THSD7B: variants seen among roughly 807,000 people sequenced by gnomAD.
THSD7B encodes the protein thrombospondin type 1 domain containing 7B, also known as thrombospondin type-1 domain-containing protein 7B.
In THSD7B, 138 loss-of-function variants were observed where a neutral mutation model predicts 213.6. The observed-to-expected ratio is 0.65, with a 90% confidence interval of 0.56 to 0.74. The LOEUF (loss-of-function observed/expected upper bound fraction) is 0.74, where lower values mean the gene tolerates loss of function less well. THSD7B is among the 30% of genes least tolerant of loss of function. THSD7B has a pLI of 0.00. For missense variants in THSD7B, 1,931 were observed against 1,991.5 expected (o/e 0.97, Z 0.58); for synonymous variants, 742 against 687.0 (o/e 1.08, Z -1.25).
chr2:137,518,205 G>A (rs540827436), intron 15 of THSD7B, among the ~76,000 whole-genome samples: 9 of 152,248 alleles, frequency 5.9e-5, no homozygotes, highest in African/African-American at 2.2e-4. Flanking sequence ...GGCCTCATGG[G>A]GAGTTCCCTA....
At chr2:136,976,350 C>T (rs948900881) in intron 2 of THSD7B, among the ~76,000 whole-genome samples, 2 of 152,176 alleles carry the variant, frequency 1.3e-5, no homozygotes, top group East Asian at 3.9e-4. Context: ...TTCTTCAATA[C>T]TTCGTTTATT....
chr2:137,461,408 T>C (rs1176470785), intron 15 of THSD7B, among the ~76,000 whole-genome samples: 1 of 151,980 alleles, frequency 6.6e-6, no homozygotes, highest in Admixed American at 6.6e-5. Flanking sequence ...ATGGGTGCAA[T>C]AAACGTTTAT....
intron 2 of THSD7B, among the ~76,000 whole-genome samples, chr2:137,046,552 A>T (rs1457545263): frequency 6.6e-6 from 1 of 152,056 alleles, no homozygotes. Flanking sequence ...CAACATGGCG[A>T]AACACCGTCT....
intron 2 of THSD7B, among the ~76,000 whole-genome samples, chr2:137,034,111 C>T (rs1553465920): frequency 6.6e-6 from 1 of 152,132 alleles, no homozygotes; most frequent in Non-Finnish European, 1.5e-5. Context: ...ATCCATGTCC[C>T]TGCAAAGGAC....
chr2:137,676,467 A>AGAT (rs1450512688), intron 27 of THSD7B, 57 bp from the exon 28 acceptor site: 33 of 1,442,214 alleles, frequency 2.3e-5, no homozygotes, highest in Non-Finnish European at 2.9e-5. Flanking sequence ...TGTCTTTGGC[A>AGAT]GATGAAACAG....
chr2:137,265,772 CT>C (rs1682574513), intron 10 of THSD7B, among the ~76,000 whole-genome samples: 1 of 152,140 alleles, frequency 6.6e-6, no homozygotes, highest in Non-Finnish European at 1.5e-5. Flanking sequence ...GGGTGATAGT[CT>C]TTGAATGATC....
rs72851742 is a variant in THSD7B, at chr2:137,463,717, A to G, written c.3138+12694A>G. 7.5e-3 allele frequency among the ~76,000 whole-genome samples: 1,139 copies of G among 152,204 alleles called. 6 individuals are homozygous for G. Among genetic ancestry groups the G allele is most frequent in the Non-Finnish European group, 0.013 (899 of 67,974 alleles). On this transcript the variant is annotated intron_variant, in intron 15 of 27. Coordinates refer to ENST00000409968, the MANE Select transcript of THSD7B (RefSeq NM_001316349.2). ...TTGCCTCACAGAGCCAGTATCATCC[A>G]TATTTAGCAGGTTTAGGGGAAAAGC...
At chr2:137,318,527 C>T (rs952506973) in intron 12 of THSD7B, among the ~76,000 whole-genome samples, 4 of 152,186 alleles carry the variant, frequency 2.6e-5, no homozygotes, top group East Asian at 1.9e-4. Context: ...CTCACTCCCC[C>T]GCCCCCATCC....
intron 5 of THSD7B, among the ~76,000 whole-genome samples, chr2:137,122,148 T>G (rs1161518095): frequency 6.6e-6 from 1 of 152,194 alleles, no homozygotes; most frequent in Non-Finnish European, 1.5e-5. Flanking sequence ...CTAAATGATT[T>G]CCATAGTTAA....
At chr2:137,594,059 A>C (rs1432065993) in intron 17 of THSD7B, among the ~76,000 whole-genome samples, 1 of 152,034 alleles carries the variant, frequency 6.6e-6, no homozygotes, top group Non-Finnish European at 1.5e-5. Context: ...GAAACCAATA[A>C]GGTATAGAGG....
At chr2:137,628,348 A>G (rs919190982) in intron 20 of THSD7B, among the ~76,000 whole-genome samples, 13 of 152,194 alleles carry the variant, frequency 8.5e-5, no homozygotes, top group Admixed American at 5.2e-4. Context: ...TTATATTGAC[A>G]TATAAGTCAT....
intron 12 of THSD7B, among the ~76,000 whole-genome samples, chr2:137,288,921 T>A (rs1189045161): frequency 6.6e-6 from 1 of 152,058 alleles, no homozygotes; most frequent in Non-Finnish European, 1.5e-5. Context: ...AAAAGGATGC[T>A]CCTTCACTTT....
intron 14 of THSD7B, among the ~76,000 whole-genome samples, chr2:137,427,769 G>A (rs4954511): frequency 0.98 from 149,391 of 152,268 alleles, 73,336 homozygotes; most frequent in Non-Finnish European, 1. Context: ...TTGAATGTAC[G>A]TCATGGCAAT....
At chr2:137,411,920 T>C (rs992111448) in intron 14 of THSD7B, 48 bp downstream of exon 14, 3 of 1,595,200 alleles carry the variant, frequency 1.9e-6, no homozygotes, top group Non-Finnish European at 2.6e-6. Context: ...CACACACAGC[T>C]CGGGAGGTTT....
chr2:137,496,927 G>A (rs1198055296), intron 15 of THSD7B, among the ~76,000 whole-genome samples: 16 of 152,094 alleles, frequency 1.1e-4, no homozygotes, highest in Non-Finnish European at 1.9e-4. Context: ...CATCTAGTTC[G>A]TGTAGTCTGC....
chr2:137,199,261 C>T (rs1276077858), intron 7 of THSD7B, among the ~76,000 whole-genome samples: 3 of 152,006 alleles, frequency 2.0e-5, no homozygotes, highest in African/African-American at 4.8e-5. Flanking sequence ...AAAAATATAT[C>T]GAAAGATAAT....
intron 2 of THSD7B, among the ~76,000 whole-genome samples, chr2:136,904,116 G>A (rs1684112990): frequency 6.6e-6 from 1 of 152,130 alleles, no homozygotes; most frequent in South Asian, 2.1e-4. Context: ...GCAAGAAAAT[G>A]TGTTTCTCCT....
chr2:137,089,930 C>T (rs1036422714), intron 3 of THSD7B, among the ~76,000 whole-genome samples: 1 of 151,770 alleles, frequency 6.6e-6, no homozygotes, highest in African/African-American at 2.4e-5. Flanking sequence ...TTCCTTAAAC[C>T]CGGGAGGCAG....
intron 11 of THSD7B, among the ~76,000 whole-genome samples, chr2:137,273,032 AC>A (rs1353470723): frequency 1.6e-5 from 1 of 62,500 alleles, no homozygotes; most frequent in Non-Finnish European, 3.0e-5. Context: ...GAATACACAC[AC>A]ACACACACAC....
Sources: gnomAD v4.1 joint callset for allele counts (sites outside exome capture counted in the v4.1 genomes callset) on GRCh38, gnomAD v4.1.1 for gene constraint, MANE v1.5 for transcripts, NCBI Gene and HGNC (gene_info 2026-07-23, HGNC 2026-07-21) for gene names.